The following ATF7IP2 variants were observed in gnomAD, a reference collection of about 807,000 sequenced individuals.
ATF7IP2 encodes activating transcription factor 7-interacting protein 2.
In ATF7IP2, 42 loss-of-function variants were observed where a neutral mutation model predicts 64.2. The observed-to-expected ratio is 0.65, with a 90% CI of 0.51 to 0.85. ATF7IP2 has a LOEUF of 0.85. Among genes scored for constraint, ATF7IP2 ranks in the 40% least tolerant of loss-of-function variants. The pLI, the probability that ATF7IP2 is intolerant of heterozygous loss-of-function variation, is 0.00. For missense variants in ATF7IP2, 933 were observed against 784.2 expected, an observed-to-expected ratio of 1.19 and a Z score of -2.27; for synonymous variants, 308 against 272.8, an observed-to-expected ratio of 1.13 and a Z score of -1.27.
chr16:10,470,282 C>T (rs1037290725), intron 9 of ATF7IP2, among the ~76,000 whole-genome samples: 8 of 152,018 alleles, frequency 5.3e-5, no homozygotes, highest in Non-Finnish European at 1.2e-4. Flanking sequence ...AAATGGATGC[C>T]ATTTACAATG....
At chr16:10,418,868 A>T (rs1451792157) in intron 2 of ATF7IP2, among the ~76,000 whole-genome samples, 2 of 152,212 alleles carry the variant, frequency 1.3e-5, no homozygotes, top group Non-Finnish European at 2.9e-5. Flanking sequence ...GTGTTTCCAG[A>T]TAATAGGAAC....
At position 10,438,017 on chromosome 16, in the gene ATF7IP2, A is replaced by G. The variant is rs958199939; in HGVS notation, c.961-84A>G. The G allele has an allele frequency of 1.3e-5, 14 of 1,086,532 alleles. No individual in the cohort carries two copies. In the African/African-American group the frequency reaches 2.1e-4, roughly 16 times the overall value. 67.3% of individuals were successfully genotyped at this position (1,086,532 alleles called of 1,614,324 possible). A position where few individuals can be genotyped will look rare whatever the true frequency, so the allele number is the denominator to read the frequency against. On this transcript the variant is annotated intron_variant, in intron 6 of 13. Coordinates refer to ENST00000562102, the MANE Select transcript of ATF7IP2 (RefSeq NM_001393719.1). Reference sequence around the variant, plus strand: ...TTAATTGGTTACAGTAAATCTGGAAAAGAGCAAGGCTTTTTAAGTAGAAAG... The same window carrying G: ...TTAATTGGTTACAGTAAATCTGGAAGAGAGCAAGGCTTTTTAAGTAGAAAG...
At chr16:10,411,353 T>G (rs1409447413) in intron 1 of ATF7IP2, among the ~76,000 whole-genome samples, 2 of 121,184 alleles carry the variant, frequency 1.7e-5, no homozygotes. Flanking sequence ...GCCTTTTTGT[T>G]TTTTTTTTTT....
intron 1 of ATF7IP2, among the ~76,000 whole-genome samples, chr16:10,402,564 A>C (rs947121842): frequency 6.6e-6 from 1 of 152,030 alleles, no homozygotes; most frequent in Non-Finnish European, 1.5e-5. Context: ...CCTGGGCTCA[A>C]GCGATTCTTC....
chr16:10,468,988 G>T (rs2049686310), intron 9 of ATF7IP2, among the ~76,000 whole-genome samples: 1 of 152,168 alleles, frequency 6.6e-6, no homozygotes, highest in African/African-American at 2.4e-5. Flanking sequence ...AGCTTCAAAG[G>T]AATCAGGCTA....
intron 9 of ATF7IP2, 55 bp from the exon 10 acceptor site, chr16:10,472,055 T>A: frequency 2.1e-6 from 2 of 947,922 alleles, no homozygotes; most frequent in Non-Finnish European, 1.6e-6. Context: ...ATTGCATGTT[T>A]AAGCCTGATA....
At chr16:10,442,543 G>A (rs1431749614) in intron 8 of ATF7IP2, among the ~76,000 whole-genome samples, 1 of 152,174 alleles carries the variant, frequency 6.6e-6, no homozygotes, top group Admixed American at 6.5e-5. Context: ...GAAGCCATGA[G>A]TCCTTTCCAT....
At chr16:10,468,505 C>T (rs1342966670) in intron 9 of ATF7IP2, among the ~76,000 whole-genome samples, 2 of 152,122 alleles carry the variant, frequency 1.3e-5, no homozygotes, top group African/African-American at 4.8e-5. Context: ...CTACCATTGT[C>T]CCAGCTTCCT....
chr16:10,429,758 A>AT (rs1555507628), intron 4 of ATF7IP2, among the ~76,000 whole-genome samples: 8 of 128,612 alleles, frequency 6.2e-5, no homozygotes, highest in South Asian at 4.9e-4. Flanking sequence ...ATTTTATTTT[A>AT]TTATTTTATT....
chr16:10,448,516 C>T (rs2048883786), intron 8 of ATF7IP2: 2 of 151,854 alleles, frequency 1.3e-5, no homozygotes, highest in Non-Finnish European at 2.9e-5. Flanking sequence ...CCTAGGTATT[C>T]TCTTTGTAGC....
chr16:10,447,555 C>T (rs1199875822), intron 8 of ATF7IP2: 2 of 152,294 alleles, frequency 1.3e-5, no homozygotes, highest in East Asian at 3.9e-4. Flanking sequence ...CAAGAGCACA[C>T]CGAACAAAGG....
At chr16:10,438,719 C>G (rs1020916780) in intron 7 of ATF7IP2, among the ~76,000 whole-genome samples, 2 of 152,108 alleles carry the variant, frequency 1.3e-5, no homozygotes, top group Non-Finnish European at 2.9e-5. Flanking sequence ...GAGAAATACT[C>G]AGAACTGTTA....
intron 12 of ATF7IP2, among the ~76,000 whole-genome samples, chr16:10,475,413 T>C (rs962869468): frequency 3.3e-5 from 5 of 152,116 alleles, no homozygotes; most frequent in African/African-American, 4.8e-5. Context: ...CCAAACTGGC[T>C]GGGCGCGGTG....
At position 10,483,051 on chromosome 16, in the gene ATF7IP2, A is replaced by G. The variant is rs1045090613; in HGVS notation, c.*802A>G. 4.6e-5 allele frequency: 7 copies of G among 152,202 alleles called. No homozygotes were observed. Among genetic ancestry groups the G allele is most frequent in the African/African-American group, 1.7e-4 (7 of 41,442 alleles). 9.4% of individuals were successfully genotyped at this position (152,202 alleles called of 1,614,324 possible). A position where few individuals can be genotyped will look rare whatever the true frequency, so the allele number is the denominator to read the frequency against. On this transcript the variant is annotated 3_prime_UTR_variant, in exon 14 of 14. Transcript: ENST00000562102. Reference sequence around the variant, plus strand: ...ATTTTATGAAACGAAATGGCTTCCCATTCTTTCTATTCAGCTTCTAAGTGG... The same window carrying G: ...ATTTTATGAAACGAAATGGCTTCCCGTTCTTTCTATTCAGCTTCTAAGTGG...
intron 12 of ATF7IP2, among the ~76,000 whole-genome samples, chr16:10,477,029 G>C (rs1206414810): frequency 6.6e-6 from 1 of 152,158 alleles, no homozygotes; most frequent in African/African-American, 2.4e-5. Context: ...TAATGAGACT[G>C]CTAGGCCAAA....
intron 1 of ATF7IP2, among the ~76,000 whole-genome samples, chr16:10,400,461 T>C (rs1057163304): frequency 1.3e-5 from 2 of 152,218 alleles, no homozygotes; most frequent in South Asian, 2.1e-4. Context: ...TACACTGATA[T>C]CCTATTTCCC....
In ATF7IP2 at chr16:10,449,699, CTTCT is replaced by C. The variant is rs764921924; in HGVS notation, c.1195-7670_1195-7667del. 6 of 152,050 alleles carry C rather than the reference CTTCT, an allele frequency of 3.9e-5. No homozygotes were observed. In the East Asian group the frequency reaches 7.7e-4, roughly 20 times the overall value. The allele number at this position is 152,050 out of a possible 1,614,324, so 9.4% of individuals were successfully genotyped here. On this transcript the variant is annotated intron_variant, in intron 8 of 13. Coordinates refer to ENST00000562102, the MANE Select transcript of ATF7IP2 (RefSeq NM_001393719.1). ...TGTCTATTTGATTCTTCTGTCTTTT[CTTCT>C]TTATTAGTCAGGCTAGCGGTCTATT...
Position 10,438,231 on chromosome 16 carries a change from T to A in ATF7IP2, c.1091T>A (p.Leu364His). The change falls in exon 7 of 14, where the codon CTT becomes CAT. Residue 364 changes from leucine (L) to histidine (H), a missense_variant. Physicochemically the swap from Leu to His is moderately conservative, Grantham distance 99. Coordinates refer to ENST00000562102, the MANE Select transcript of ATF7IP2 (RefSeq NM_001393719.1). The stretch of plus-strand genomic sequence containing the variant: ...AAGCATGAAGGAATAGCTGATAAAC[T>A]TTTGGTAAGTTTTGATTTCATTTGA... ...RNKHEGIADKLLAKIAKLQRR... is the reference protein window; with the variant it reads ...RNKHEGIADKHLAKIAKLQRR... The A allele has an allele frequency of 6.3e-7, 1 of 1,590,622 alleles. No individual in the cohort carries two copies. The highest frequency in any genetic ancestry group is 2.3e-5 in the East Asian group (1 of 43,504).
Position 10,412,857 on chromosome 16 carries a change from T to C in ATF7IP2, c.-241-1717T>C, listed in dbSNP as rs544615154. ...TGGGAACTCCAGTGTTAGGTACTTA[T>C]ATATTTAGGATTGTGATATTTTTCT... On this transcript the variant is annotated intron_variant, in intron 1 of 13. Transcript: ENST00000562102. Among the ~76,000 whole-genome samples the C allele has an allele frequency of 3.9e-4, 60 of 152,320 alleles. 1 individual carries two copies. The highest frequency in any genetic ancestry group is 1.4e-3 in the African/African-American group (57 of 41,564).
Sources: gnomAD v4.1 joint callset for allele counts (sites outside exome capture counted in the v4.1 genomes callset) on GRCh38, gnomAD v4.1.1 for gene constraint, MANE v1.5 for transcripts, NCBI Gene and HGNC (gene_info 2026-07-23, HGNC 2026-07-21) for gene names.